The following TCF7L2 variants were observed in gnomAD, a reference collection of about 807,000 sequenced individuals.
TCF7L2 encodes the protein transcription factor 7 like 2.
In TCF7L2, 23 loss-of-function variants were observed where a neutral mutation model predicts 77.9. The ratio of observed to expected loss-of-function variants is 0.30; its 90% confidence interval spans 0.21 to 0.42. The LOEUF (loss-of-function observed/expected upper bound fraction) is 0.42, where lower values mean the gene tolerates loss of function less well. TCF7L2 is among the 10% of genes least tolerant of loss of function. The pLI is 1.00. For synonymous variants in TCF7L2, 413 were observed against 340.2 expected, an observed-to-expected ratio of 1.21 and a Z score of -2.36; for missense variants, 654 against 793.1, an observed-to-expected ratio of 0.82 and a Z score of 2.11.
chr10:113,120,614 A>G (rs549911277), intron 5 of TCF7L2, among the ~76,000 whole-genome samples: 2 of 152,292 alleles, frequency 1.3e-5, no homozygotes, highest in South Asian at 4.2e-4. Flanking sequence ...AGGAGTGTTC[A>G]GAGGCAGAAT....
At chr10:112,964,812 T>TG (rs374001468) in intron 4 of TCF7L2, among the ~76,000 whole-genome samples, 188 bp downstream of exon 4, 1,218 of 38,264 alleles carry the variant, frequency 0.032, 23 homozygotes, top group Non-Finnish European at 0.048. Context: ...GTGGTGGTGG[T>TG]GGGGGGGGGT....
intron 5 of TCF7L2, among the ~76,000 whole-genome samples, chr10:113,119,139 C>A (rs1019332044): frequency 1.3e-5 from 2 of 152,168 alleles, no homozygotes; most frequent in African/African-American, 4.8e-5. Context: ...GCAGAGACCG[C>A]ATAATGGGAC....
chr10:113,103,298 A>G (rs536581850), intron 5 of TCF7L2, among the ~76,000 whole-genome samples: 155 of 152,324 alleles, frequency 1.0e-3, no homozygotes, highest in Non-Finnish European at 1.8e-3. Context: ...TGATCCTTGC[A>G]GAGAAAAAAT....
chr10:113,133,402 C>G (rs1292057312), intron 5 of TCF7L2: 3 of 152,288 alleles, frequency 2.0e-5, no homozygotes, highest in Non-Finnish European at 2.9e-5. Flanking sequence ...CTCTCACCCC[C>G]CAGCCCTTCC....
At chr10:113,125,765 A>G (rs979326745) in intron 5 of TCF7L2, 8 of 151,386 alleles carry the variant, frequency 5.3e-5, no homozygotes, top group African/African-American at 1.5e-4. Context: ...TTTAAAGTCT[A>G]TAGCAAAAAG....
chr10:113,157,822 G>A (rs1248426940), intron 11 of TCF7L2, 199 bp from the exon 12 acceptor site: 2 of 549,508 alleles, frequency 3.6e-6, no homozygotes, highest in South Asian at 2.1e-5. Flanking sequence ...CCCAAGAAGC[G>A]TGTGTCCCTC....
chr10:113,063,675 G>T (rs2056829760), intron 5 of TCF7L2, among the ~76,000 whole-genome samples: 1 of 152,262 alleles, frequency 6.6e-6, no homozygotes, highest in South Asian at 2.1e-4. Flanking sequence ...GCATGCTTCT[G>T]TTGAAACCCC....
At chr10:113,152,876 C>A (rs1444304284) in intron 11 of TCF7L2, among the ~76,000 whole-genome samples, 2 of 152,186 alleles carry the variant, frequency 1.3e-5, no homozygotes, top group Non-Finnish European at 2.9e-5. Context: ...TCCTCCCAGG[C>A]CTTTCAGCAG....
intron 5 of TCF7L2, among the ~76,000 whole-genome samples, chr10:113,105,704 G>A (rs2062214382): frequency 6.6e-6 from 1 of 152,096 alleles, no homozygotes; most frequent in Admixed American, 6.5e-5. Flanking sequence ...TTCGAATCAC[G>A]AAGATCCTGT....
chr10:113,136,483 G>A (rs997282501), intron 5 of TCF7L2, among the ~76,000 whole-genome samples: 18 of 152,190 alleles, frequency 1.2e-4, no homozygotes, highest in Non-Finnish European at 2.5e-4. Context: ...TCAGAGTTCA[G>A]TACAGCAACG....
chr10:113,058,402 C>T (rs57337395), intron 5 of TCF7L2, among the ~76,000 whole-genome samples: 1,827 of 152,134 alleles, frequency 0.012, 35 homozygotes, highest in African/African-American at 0.042. Flanking sequence ...GGAAGATGGC[C>T]AAATGCTGTT....
intron 4 of TCF7L2, among the ~76,000 whole-genome samples, chr10:112,995,327 G>A (rs1234992985): frequency 6.6e-6 from 1 of 152,160 alleles, no homozygotes; most frequent in Non-Finnish European, 1.5e-5. Context: ...ATTACCCACA[G>A]AGGCCATTGG....
At position 113,165,967 on chromosome 10, in the gene TCF7L2, G is replaced by GAAT; in HGVS notation, c.1806_1808dup (p.Ter603delinsTer). Reference sequence around the variant, plus strand: ...GCTGTCGCTCGTCACCAAGTCTTTAGAATAGCTTTAGCGTCGTGAACCCCG... The same window carrying GAAT: ...GCTGTCGCTCGTCACCAAGTCTTTAGAATAATAGCTTTAGCGTCGTGAACCCCG... On this transcript the variant is annotated stop_gained and inframe_insertion, in exon 14 of 14. Transcript: ENST00000627217. LOFTEE classifies it high-confidence loss of function. The GAAT allele has an allele frequency of 6.6e-7, 1 of 1,521,328 alleles. No homozygotes were observed. The highest frequency in any genetic ancestry group is 8.8e-7 in the Non-Finnish European group (1 of 1,133,420). 94.2% of individuals were successfully genotyped at this position (1,521,328 alleles called of 1,614,324 possible). A position where few individuals can be genotyped will look rare whatever the true frequency, so the allele number is the denominator to read the frequency against.
At chr10:113,051,463 A>G (rs1048987570) in intron 5 of TCF7L2, among the ~76,000 whole-genome samples, 1 of 152,258 alleles carries the variant, frequency 6.6e-6, no homozygotes, top group Non-Finnish European at 1.5e-5. Context: ...TTTATAATAA[A>G]AAATGACATG....
At chr10:113,066,206 T>TA (rs890712260) in intron 5 of TCF7L2, among the ~76,000 whole-genome samples, 2 of 151,710 alleles carry the variant, frequency 1.3e-5, no homozygotes, top group Non-Finnish European at 2.9e-5. Context: ...CTACTAAAAA[T>TA]AAAAAAAATT....
At chr10:112,965,617 G>C (rs567509899) in intron 4 of TCF7L2, among the ~76,000 whole-genome samples, 4 of 115,116 alleles carry the variant, frequency 3.5e-5, no homozygotes, top group Non-Finnish European at 5.5e-5. Context: ...TAACTTGTCT[G>C]TGTGTGTGTA....
At chr10:112,965,629 A>ATATGTGTG (rs1409332567) in intron 4 of TCF7L2, among the ~76,000 whole-genome samples, 5 of 137,322 alleles carry the variant, frequency 3.6e-5, no homozygotes, top group African/African-American at 1.3e-4. Context: ...GTGTGTGTAT[A>ATATGTGTG]TGTGTGTGTG....
At chr10:113,073,243 C>A (rs2058288722) in intron 5 of TCF7L2, among the ~76,000 whole-genome samples, 1 of 151,796 alleles carries the variant, frequency 6.6e-6, no homozygotes, top group African/African-American at 2.4e-5. Flanking sequence ...TCTTTCCAGT[C>A]TACAACTCGT....
At chr10:113,092,867 G>A (rs565011899) in intron 5 of TCF7L2, among the ~76,000 whole-genome samples, 2 of 152,156 alleles carry the variant, frequency 1.3e-5, no homozygotes, top group Admixed American at 6.5e-5. Context: ...TCCCTCGGCT[G>A]GGGGGGTTGG....
Sources: gnomAD v4.1 joint callset for allele counts (sites outside exome capture counted in the v4.1 genomes callset) on GRCh38, gnomAD v4.1.1 for gene constraint, MANE v1.5 for transcripts, NCBI Gene and HGNC (gene_info 2026-07-23, HGNC 2026-07-21) for gene names.